Variants in TAOK3 observed in about 807,000 individuals in gnomAD.
TAOK3 encodes TAO kinase 3.
In TAOK3, 40 loss-of-function variants were observed where a neutral mutation model predicts 120.4. The ratio of observed to expected loss-of-function variants is 0.33; its 90% CI spans 0.26 to 0.43. TAOK3 has a LOEUF of 0.43. Among genes scored for constraint, TAOK3 ranks in the 20% least tolerant of loss-of-function variants. The pLI, the probability that TAOK3 is intolerant of heterozygous loss-of-function variation, is 1.00. For missense variants in TAOK3, 821 were observed against 1,112.1 expected (o/e 0.74, Z 3.72); for synonymous variants, 355 against 387.5 (o/e 0.92, Z 0.99).
At chr12:118,218,857 G>A (rs2039075811) in intron 9 of TAOK3, among the ~76,000 whole-genome samples, 1 of 152,142 alleles carries the variant, frequency 6.6e-6, no homozygotes, top group African/African-American at 2.4e-5. Context: ...GGGAGGCTGA[G>A]GCAGGAGAAT....
At chr12:118,319,250 C>A (rs1312522967) in intron 1 of TAOK3, among the ~76,000 whole-genome samples, 1 of 151,760 alleles carries the variant, frequency 6.6e-6, no homozygotes, top group Non-Finnish European at 1.5e-5. Flanking sequence ...ATTTTAAAAG[C>A]AAAAAACCCC....
intron 1 of TAOK3, among the ~76,000 whole-genome samples, chr12:118,364,430 T>C (rs1375443743): frequency 6.6e-6 from 1 of 152,126 alleles, no homozygotes; most frequent in South Asian, 2.1e-4. Context: ...TAGGTCATAG[T>C]GGTCTGGTTT....
intron 19 of TAOK3, among the ~76,000 whole-genome samples, chr12:118,154,032 C>G (rs1212912543): frequency 6.6e-6 from 1 of 152,184 alleles, no homozygotes; most frequent in Non-Finnish European, 1.5e-5. Context: ...AGACACTAGA[C>G]ACAATACATA....
At chr12:118,361,924 A>C (rs2045611846) in intron 1 of TAOK3, among the ~76,000 whole-genome samples, 1 of 151,986 alleles carries the variant, frequency 6.6e-6, no homozygotes, top group Non-Finnish European at 1.5e-5. Flanking sequence ...AAATAATAAT[A>C]ATAAAAAAAC....
chr12:118,301,841 CA>C (rs777882071), intron 1 of TAOK3, among the ~76,000 whole-genome samples: 2,172 of 69,068 alleles, frequency 0.031, 28 homozygotes, highest in East Asian at 0.15. Flanking sequence ...GACTCCATCT[CA>C]AAAAAAAAAA....
chr12:118,221,881 G>A (rs1243970310), intron 9 of TAOK3, among the ~76,000 whole-genome samples: 3 of 151,794 alleles, frequency 2.0e-5, no homozygotes, highest in Admixed American at 2.0e-4. Flanking sequence ...TGATCTGCCC[G>A]CCTCGGCCTC....
chr12:118,195,878 GTC>G lies in TAOK3; in HGVS notation c.1194+3171_1194+3172del, dbSNP rs1331355833. Among the ~76,000 whole-genome samples the G allele has an allele frequency of 2.0e-5, 3 of 151,950 alleles. No individual in the cohort carries two copies. In the East Asian group the frequency reaches 5.8e-4, roughly 29 times the overall value. Reference sequence around the variant, plus strand: ...ATCCCGGCTAACACGGTGAAACCCTGTCTCTACTAAAAATACAAAAAATTAGC... The same window carrying G: ...ATCCCGGCTAACACGGTGAAACCCTGTCTACTAAAAATACAAAAAATTAGC... On this transcript the variant is annotated intron_variant, in intron 13 of 20. Transcript: ENST00000392533.
intron 15 of TAOK3, among the ~76,000 whole-genome samples, chr12:118,180,461 G>A (rs896411475): frequency 6.6e-6 from 1 of 151,818 alleles, no homozygotes; most frequent in African/African-American, 2.4e-5. Flanking sequence ...GGCTGGTCTT[G>A]AACTCGTGGG....
chr12:118,203,701 T>C (rs1226791611), intron 11 of TAOK3, among the ~76,000 whole-genome samples: 2 of 83,542 alleles, frequency 2.4e-5, no homozygotes, highest in African/African-American at 4.2e-5. Context: ...TGAAACTCCA[T>C]CTCAAAAAAA....
chr12:118,257,070 T>A (rs2041020273), intron 2 of TAOK3, among the ~76,000 whole-genome samples: 2 of 152,226 alleles, frequency 1.3e-5, no homozygotes, highest in South Asian at 4.1e-4. Context: ...TATAATGACT[T>A]TACTGTCTTA....
chr12:118,279,463 G>A lies in TAOK3; in HGVS notation c.-193-12704C>T, dbSNP rs569245123. Among the ~76,000 whole-genome samples, 6 of 151,414 alleles carry A rather than the reference G, an allele frequency of 4.0e-5. No homozygotes were observed. In the South Asian group the frequency reaches 8.3e-4, roughly 21 times the overall value. On this transcript the variant is annotated intron_variant, in intron 1 of 20. Coordinates refer to ENST00000392533, the MANE Select transcript of TAOK3 (RefSeq NM_016281.4). ...TATTTTTTTTTTGCAATTGCTTTTG[G>A]TGTCTTCATCATGTAATCTTCGCCA...
At chr12:118,233,409 T>TA (rs921567102) in intron 9 of TAOK3, among the ~76,000 whole-genome samples, 1 of 149,114 alleles carries the variant, frequency 6.7e-6, no homozygotes. Flanking sequence ...TAATAATAAT[T>TA]AAAAAATTAA....
At chr12:118,278,197 G>T (rs578076310) in intron 1 of TAOK3, among the ~76,000 whole-genome samples, 1 of 151,944 alleles carries the variant, frequency 6.6e-6, no homozygotes, top group Admixed American at 6.6e-5. Flanking sequence ...TTGTTATATA[G>T]GTACATTGCA....
At chr12:118,313,645 CAA>C (rs1482349891) in intron 1 of TAOK3, among the ~76,000 whole-genome samples, 2 of 152,098 alleles carry the variant, frequency 1.3e-5, no homozygotes, top group African/African-American at 4.8e-5. Flanking sequence ...TTTATTTTGT[CAA>C]AAGTAACCTC....
chr12:118,346,351 C>A (rs1322350486), intron 1 of TAOK3, among the ~76,000 whole-genome samples: 1 of 152,146 alleles, frequency 6.6e-6, no homozygotes, highest in African/African-American at 2.4e-5. Flanking sequence ...CATCTTAAAA[C>A]AGGGAAATTA....
intron 1 of TAOK3, among the ~76,000 whole-genome samples, chr12:118,364,421 A>G (rs2045689178): frequency 6.6e-6 from 1 of 152,048 alleles, no homozygotes; most frequent in Non-Finnish European, 1.5e-5. Flanking sequence ...AACCAGATCT[A>G]GGTCATAGTG....
At position 118,172,463 on chromosome 12, in the gene TAOK3, A is replaced by G; in HGVS notation, c.1893T>C (p.Ile631=). 6.2e-7 allele frequency: 1 copy of G among 1,614,120 alleles called. No individual in the cohort carries two copies. Among genetic ancestry groups the G allele is most frequent in the Non-Finnish European group, 8.5e-7 (1 of 1,180,004 alleles). The change falls in exon 17 of 21, where the codon ATT becomes ATC. Residue 631 remains isoleucine, a synonymous_variant. Coordinates refer to ENST00000392533, the MANE Select transcript of TAOK3 (RefSeq NM_016281.4). The part of the protein sequence containing the change: ...IKRHEVEQQN[I]REELNKKRTQ... ...TTACGAGCGTAATAAATACCTCCCG[A>G]ATGTTCTGCTGCTCCACCTCGTGCC...
intron 1 of TAOK3, among the ~76,000 whole-genome samples, chr12:118,342,903 C>A (rs1194838430): frequency 2.1e-5 from 3 of 142,060 alleles, no homozygotes; most frequent in African/African-American, 8.0e-5. Context: ...CATTGCACTC[C>A]AGCCTGGGCC....
intron 8 of TAOK3, 82 bp downstream of exon 8, chr12:118,235,476 C>A: frequency 8.7e-7 from 1 of 1,152,770 alleles, no homozygotes; most frequent in Non-Finnish European, 1.3e-6. Flanking sequence ...GACACTGTCA[C>A]AAAACCAAGC....
Sources: gnomAD v4.1 joint callset for allele counts (sites outside exome capture counted in the v4.1 genomes callset) on GRCh38, gnomAD v4.1.1 for gene constraint, MANE v1.5 for transcripts, NCBI Gene and HGNC (gene_info 2026-07-23, HGNC 2026-07-21) for gene names.